The following CDH13 variants were observed in gnomAD, a reference collection of about 807,000 sequenced individuals.
CDH13 encodes the protein cadherin-13.
Under a neutral mutation model 63.8 loss-of-function variants are expected in CDH13, and 24 were observed. That is an observed-to-expected ratio of 0.38 (90% confidence interval 0.27 to 0.53). CDH13 has a LOEUF of 0.53. Ranked by LOEUF, CDH13 falls within the 20% of genes least tolerant of loss-of-function variation. The probability of loss-of-function intolerance (pLI) is 0.85; values close to 1 mark genes in which losing one functional copy is unlikely to be tolerated. For missense variants in CDH13, 1,049 were observed against 903.1 expected (o/e 1.16, Z -2.07); for synonymous variants, 503 against 355.3 (o/e 1.42, Z -4.67).
intron 10 of CDH13, among the ~76,000 whole-genome samples, chr16:83,737,052 A>G (rs1344618533): frequency 6.6e-6 from 1 of 152,162 alleles, no homozygotes; most frequent in African/African-American, 2.4e-5. Flanking sequence ...TCCGCAGAAA[A>G]GGGTGGGAGC....
intron 6 of CDH13, among the ~76,000 whole-genome samples, chr16:83,450,863 C>G (rs1040974844): frequency 6.6e-6 from 1 of 152,038 alleles, no homozygotes; most frequent in Non-Finnish European, 1.5e-5. Flanking sequence ...GAGCAAGACT[C>G]TGTCTCACAG....
intron 3 of CDH13, among the ~76,000 whole-genome samples, chr16:83,050,782 C>G (rs924067572): frequency 2.6e-5 from 4 of 152,106 alleles, no homozygotes; most frequent in Admixed American, 2.6e-4. Flanking sequence ...CTGTGTGAGT[C>G]TGAACACCTG....
intron 1 of CDH13, among the ~76,000 whole-genome samples, chr16:82,792,612 C>A (rs1027165821): frequency 3.3e-5 from 5 of 152,128 alleles, no homozygotes; most frequent in African/African-American, 4.8e-5. Context: ...GCCACTGCAT[C>A]CCCAACTCTG....
intron 2 of CDH13, among the ~76,000 whole-genome samples, chr16:82,917,980 C>T (rs2042044008): frequency 6.6e-6 from 1 of 151,218 alleles, no homozygotes; most frequent in African/African-American, 2.4e-5. Flanking sequence ...CATCCATGAC[C>T]CATCACAAGT....
chr16:83,215,987 A>T (rs4635327), intron 4 of CDH13, among the ~76,000 whole-genome samples: 1 of 148,560 alleles, frequency 6.7e-6, no homozygotes, highest in Non-Finnish European at 1.5e-5. Flanking sequence ...TAAAAAGACC[A>T]CCCCCCATAC....
chr16:82,848,489 C>T (rs987543805), intron 1 of CDH13, among the ~76,000 whole-genome samples: 73 of 151,884 alleles, frequency 4.8e-4, no homozygotes, highest in African/African-American at 1.6e-3. Context: ...ATAATTCTCC[C>T]GGTTTCTTTC....
At chr16:83,754,499 T>C (rs1013810805) in intron 11 of CDH13, among the ~76,000 whole-genome samples, 2 of 152,186 alleles carry the variant, frequency 1.3e-5, no homozygotes, top group African/African-American at 4.8e-5. Context: ...TTTGGCTCTG[T>C]GTCCCCACCC....
intron 10 of CDH13, among the ~76,000 whole-genome samples, chr16:83,705,892 A>T (rs1256864100): frequency 6.6e-6 from 1 of 152,188 alleles, no homozygotes; most frequent in Non-Finnish European, 1.5e-5. Context: ...AAAACAAAGG[A>T]TTTGTTTAGG....
At position 82,981,807 on chromosome 16, in the gene CDH13, G is replaced by A. The variant is rs145287510; in HGVS notation, c.158-50203G>A. Among the ~76,000 whole-genome samples the A allele has an allele frequency of 6.9e-3, 1,055 of 152,102 alleles. 13 individuals are homozygous for A. Among genetic ancestry groups the A allele is most frequent in the African/African-American group, 0.024 (990 of 41,486 alleles). ...TGAATGTTCTACCCAATTTTCTCCC[G>A]TAAGCCCTTCAACAGCTACCAGTGG... On this transcript the variant is annotated intron_variant, in intron 2 of 13. Transcript: ENST00000567109.
At chr16:83,755,012 G>C (rs1240074577) in intron 11 of CDH13, among the ~76,000 whole-genome samples, 2 of 151,948 alleles carry the variant, frequency 1.3e-5, no homozygotes, top group African/African-American at 2.4e-5. Flanking sequence ...ATGAACAAGA[G>C]AAAAATCAGA....
intron 6 of CDH13, among the ~76,000 whole-genome samples, chr16:83,464,598 G>A (rs2073262038): frequency 6.6e-6 from 1 of 152,108 alleles, no homozygotes; most frequent in African/African-American, 2.4e-5. Flanking sequence ...GACCTCAGGT[G>A]ATCCACCCGC....
rs547060711 is a variant in CDH13, at chr16:83,473,166, C to T, written c.782-13311C>T. Among the ~76,000 whole-genome samples the T allele has an allele frequency of 4.6e-5, 7 of 152,270 alleles. No homozygotes were observed. The South Asian group carries it at 1.5e-3, about 32-fold the overall frequency. On this transcript the variant is annotated intron_variant, in intron 6 of 13. Transcript: ENST00000567109. ...TTATTCTTCATAAAAGATCCATTTC[C>T]ATAGACTCATAAAGCAACTCCTTCT... is the stretch of plus-strand genomic sequence containing the variant.
intron 2 of CDH13, among the ~76,000 whole-genome samples, chr16:82,930,076 A>T (rs2042439776): frequency 1.9e-5 from 2 of 103,866 alleles, no homozygotes; most frequent in Admixed American, 2.9e-4. Flanking sequence ...ATAGAGTCTT[A>T]CTCTGTTGCC....
At chr16:83,793,282 C>A (rs1916392123) in intron 13 of CDH13, among the ~76,000 whole-genome samples, 1 of 152,096 alleles carries the variant, frequency 6.6e-6, no homozygotes, top group South Asian at 2.1e-4. Flanking sequence ...AAGGTGGCAA[C>A]AAAAGAAAAA....
chr16:82,891,104 A>G (rs2041066317), intron 2 of CDH13, among the ~76,000 whole-genome samples: 1 of 149,870 alleles, frequency 6.7e-6, no homozygotes, highest in African/African-American at 2.5e-5. Flanking sequence ...TTATTATCTC[A>G]GAACTCATGT....
At position 83,019,501 on chromosome 16, in the gene CDH13, T is replaced by C. The variant is rs536493340; in HGVS notation, c.158-12509T>C. ...GTTTTACAGTTAACATTTTCTTTTT[T>C]TTTTTTTTTTTTGAGACAGGGTCTC... On this transcript the variant is annotated intron_variant, in intron 2 of 13. Coordinates refer to ENST00000567109, the MANE Select transcript of CDH13 (RefSeq NM_001257.5). 5.5e-4 allele frequency among the ~76,000 whole-genome samples: 83 copies of C among 150,562 alleles called. No homozygotes were observed. In the East Asian group the frequency reaches 0.014, roughly 26 times the overall value.
At chr16:83,707,839 A>AAAAAAAAAAAAAAAAG (rs1907353652) in intron 10 of CDH13, among the ~76,000 whole-genome samples, 1 of 72,512 alleles carries the variant, frequency 1.4e-5, no homozygotes, top group African/African-American at 6.0e-5. Flanking sequence ...CTAAAGGCAA[A>AAAAAAAAAAAAAAAAG]AAAAAAAAAA....
chr16:83,702,485 G>T (rs931891441), intron 10 of CDH13, among the ~76,000 whole-genome samples: 3 of 152,112 alleles, frequency 2.0e-5, no homozygotes, highest in Non-Finnish European at 4.4e-5. Context: ...AGCAAGGAGG[G>T]TCTTGCAGGG....
chr16:83,107,510 C>T (rs1349431300), intron 3 of CDH13, among the ~76,000 whole-genome samples: 1 of 152,230 alleles, frequency 6.6e-6, no homozygotes, highest in East Asian at 1.9e-4. Flanking sequence ...AGGACAAGTT[C>T]TGTTTCTCCA....
Sources: gnomAD v4.1 joint callset for allele counts (sites outside exome capture counted in the v4.1 genomes callset) on GRCh38, gnomAD v4.1.1 for gene constraint, MANE v1.5 for transcripts, NCBI Gene and HGNC (gene_info 2026-07-23, HGNC 2026-07-21) for gene names.